The following NELL1 variants were observed in gnomAD, a reference collection of about 807,000 sequenced individuals.
The protein encoded by NELL1 is protein kinase C-binding protein NELL1.
Under a neutral mutation model 107.4 loss-of-function variants are expected in NELL1, and 76 were observed. That is an observed-to-expected ratio of 0.71 (90% confidence interval 0.59 to 0.86). NELL1 has a LOEUF of 0.86. Among genes scored for constraint, NELL1 ranks in the 40% least tolerant of loss-of-function variants. NELL1 has a pLI of 0.00. For missense variants in NELL1, 1,024 were observed against 1,005.5 expected, an observed-to-expected ratio of 1.02 and a Z score of -0.25; for synonymous variants, 353 against 341.2, an observed-to-expected ratio of 1.03 and a Z score of -0.38.
chr11:21,047,079 A>G (rs1371462459), intron 12 of NELL1, among the ~76,000 whole-genome samples: 1 of 152,104 alleles, frequency 6.6e-6, no homozygotes, highest in Non-Finnish European at 1.5e-5. Flanking sequence ...GAATAAAGAT[A>G]CAAGTATAGA....
intron 14 of NELL1, among the ~76,000 whole-genome samples, chr11:21,344,344 C>T (rs764822002): frequency 2.0e-5 from 3 of 152,156 alleles, no homozygotes; most frequent in Non-Finnish European, 4.4e-5. Flanking sequence ...CAGCAGAGAG[C>T]AGTACTAATT....
Position 20,669,699 on chromosome 11 carries a change from T to G in NELL1, c.-25T>G. 1 of 1,608,530 alleles carries G rather than the reference T, an allele frequency of 6.2e-7. No individual in the cohort carries two copies. Among genetic ancestry groups the G allele is most frequent in the Non-Finnish European group, 8.5e-7 (1 of 1,175,282 alleles). ...GCTTCCACCTAGCTTCGGTGCCCCC[T>G]GCTAGGCGGGGACCCTCGAGAGCGA... On this transcript the variant is annotated 5_prime_UTR_variant, in exon 1 of 20. Transcript: ENST00000357134. This position sits in a 1 kb window ranked among gnomAD's most constrained non-coding sequence, Gnocchi z 4.4.
At chr11:21,107,533 C>T (rs1160943535) in intron 12 of NELL1, among the ~76,000 whole-genome samples, 5 of 152,118 alleles carry the variant, frequency 3.3e-5, no homozygotes, top group Non-Finnish European at 5.9e-5. Context: ...CTTGTTCACC[C>T]TAGTTGCTCT....
In NELL1 at chr11:21,094,808, C is replaced by T. The variant is rs574616782; in HGVS notation, c.1301-18781C>T. Among the ~76,000 whole-genome samples the T allele has an allele frequency of 4.6e-5, 7 of 152,288 alleles. No homozygotes were observed. The South Asian group carries it at 1.2e-3, about 27-fold the overall frequency. On this transcript the variant is annotated intron_variant, in intron 12 of 19. Coordinates refer to ENST00000357134, the MANE Select transcript of NELL1 (RefSeq NM_006157.5). ...AAGACCCTGGGCCTGGCCCACAAAA[C>T]CATTTTCTTCTAGGCCACTGGGCCT...
At chr11:21,327,501 TA>T (rs2133679703) in intron 14 of NELL1, among the ~76,000 whole-genome samples, 1 of 152,256 alleles carries the variant, frequency 6.6e-6, no homozygotes, top group Non-Finnish European at 1.5e-5. Context: ...GTGAGTCAAT[TA>T]AACCTCTTTC....
chr11:21,098,198 T>C (rs1467653951), intron 12 of NELL1, among the ~76,000 whole-genome samples: 1 of 152,190 alleles, frequency 6.6e-6, no homozygotes, highest in Non-Finnish European at 1.5e-5. Context: ...TTTTCTATGG[T>C]AATTATTTTT....
intron 13 of NELL1, among the ~76,000 whole-genome samples, chr11:21,215,827 G>A (rs1480617971): frequency 6.6e-6 from 1 of 152,138 alleles, no homozygotes; most frequent in Non-Finnish European, 1.5e-5. Context: ...TGGATAATTT[G>A]CAGCCTGACA....
intron 7 of NELL1, among the ~76,000 whole-genome samples, chr11:20,926,497 G>A (rs185672531): frequency 4.5e-4 from 69 of 152,264 alleles, no homozygotes; most frequent in African/African-American, 1.6e-3. Context: ...TTTCAAACAA[G>A]AGAGCTAACT....
At chr11:21,371,677 G>A (rs1390719559) in intron 15 of NELL1, among the ~76,000 whole-genome samples, 1 of 152,018 alleles carries the variant, frequency 6.6e-6, no homozygotes, top group African/African-American at 2.4e-5. Context: ...GTTCTTCCAT[G>A]TGTTTTGTTA....
chr11:20,730,339 T>C (rs904399071), intron 2 of NELL1, among the ~76,000 whole-genome samples: 20 of 152,248 alleles, frequency 1.3e-4, no homozygotes, highest in Admixed American at 1.2e-3. Flanking sequence ...CTGCCTGAAA[T>C]TGCATGTAAA....
At chr11:21,005,799 A>C (rs901121266) in intron 12 of NELL1, among the ~76,000 whole-genome samples, 5 of 152,184 alleles carry the variant, frequency 3.3e-5, no homozygotes, top group African/African-American at 4.8e-5. Context: ...AATACAAACC[A>C]GAGTGGTGGG....
intron 13 of NELL1, among the ~76,000 whole-genome samples, chr11:21,161,187 C>G (rs1856360017): frequency 1.3e-5 from 2 of 152,174 alleles, no homozygotes; most frequent in Non-Finnish European, 2.9e-5. Context: ...AGAATCTCTT[C>G]CCTTGCATCT....
intron 15 of NELL1, among the ~76,000 whole-genome samples, chr11:21,444,978 A>G (rs184738826): frequency 1.2e-4 from 19 of 152,302 alleles, no homozygotes; most frequent in Non-Finnish European, 2.4e-4. Context: ...TACAAATAAT[A>G]CCTTATAACC....
chr11:21,120,030 C>A (rs1304210859), intron 13 of NELL1, among the ~76,000 whole-genome samples: 1 of 152,016 alleles, frequency 6.6e-6, no homozygotes, highest in Non-Finnish European at 1.5e-5. Flanking sequence ...ATAAAGGGAA[C>A]AAGTGAGATA....
chr11:21,450,358 A>C (rs1213899111), intron 15 of NELL1, among the ~76,000 whole-genome samples: 1 of 152,182 alleles, frequency 6.6e-6, no homozygotes, highest in Non-Finnish European at 1.5e-5. Flanking sequence ...AGACAACAAA[A>C]CAATTTAAAA....
intron 2 of NELL1, among the ~76,000 whole-genome samples, chr11:20,761,378 A>G (rs1435753758): frequency 6.6e-6 from 1 of 152,104 alleles, no homozygotes; most frequent in Non-Finnish European, 1.5e-5. Flanking sequence ...GGGTGAAGAG[A>G]AAAAAAATGT....
At chr11:21,351,448 A>G (rs1438042275) in intron 14 of NELL1, among the ~76,000 whole-genome samples, 4 of 151,902 alleles carry the variant, frequency 2.6e-5, no homozygotes, top group South Asian at 2.1e-4. Context: ...AGTGAGAGTT[A>G]CCTGATTTAC....
intron 12 of NELL1, among the ~76,000 whole-genome samples, chr11:21,045,483 T>C (rs1853332906): frequency 6.6e-6 from 1 of 152,188 alleles, no homozygotes; most frequent in Non-Finnish European, 1.5e-5. Context: ...CATGTTCAAA[T>C]ACACTTGGTA....
At chr11:21,144,745 G>A (rs1172842789) in intron 13 of NELL1, among the ~76,000 whole-genome samples, 1 of 152,216 alleles carries the variant, frequency 6.6e-6, no homozygotes, top group Non-Finnish European at 1.5e-5. Flanking sequence ...GGCATGAATA[G>A]AATGCTAAGC....
Sources: gnomAD v4.1 joint callset for allele counts (sites outside exome capture counted in the v4.1 genomes callset) on GRCh38, gnomAD v4.1.1 for gene constraint, Gnocchi (gnomAD v3.1) non-coding constraint, MANE v1.5 for transcripts, NCBI Gene and HGNC (gene_info 2026-07-23, HGNC 2026-07-21) for gene names.